The following SCEL variants were observed in gnomAD, a reference collection of about 807,000 sequenced individuals.
The protein encoded by SCEL is sciellin.
A neutral mutation model predicts 117.6 loss-of-function variants in SCEL; 113 were observed. The ratio of observed to expected loss-of-function variants is 0.96; its 90% CI spans 0.83 to 1.12. The LOEUF is 1.12. Ranked by LOEUF, SCEL falls within the 50% of genes most tolerant of loss-of-function variation. The pLI is 0.00. For missense variants in SCEL, 785 were observed against 810.8 expected (o/e 0.97, Z 0.39); for synonymous variants, 270 against 256.2 (o/e 1.05, Z -0.51).
chr13:77,608,503 G>A (rs996875306), intron 20 of SCEL, among the ~76,000 whole-genome samples: 4 of 152,108 alleles, frequency 2.6e-5, no homozygotes, highest in African/African-American at 4.8e-5. Context: ...GGGAGGCTGC[G>A]ACAGGAGAAT....
In SCEL at chr13:77,602,657, A is replaced by G. The variant is rs778685872; in HGVS notation, c.981A>G (p.Arg327=). 5.6e-6 allele frequency: 9 copies of G among 1,613,686 alleles called. No homozygotes were observed. The East Asian group carries it at 1.3e-4, about 24-fold the overall frequency. ...AGTTTTGGTGTTTTTTCCAAAGAAG[A>G]CAAAATCTCGAATCTGTTGCTAAAG... The part of the protein sequence containing the change: ...NQRTDKNEKG[R]QNLESVAKVN... Residue 327 remains arginine (R), a synonymous_variant, in exon 17 of 33, where the codon AGA becomes AGG. Transcript: ENST00000349847.
chr13:77,581,963 A>G (rs1205876131), intron 9 of SCEL, among the ~76,000 whole-genome samples: 2 of 152,132 alleles, frequency 1.3e-5, no homozygotes, highest in East Asian at 3.9e-4. Flanking sequence ...GGGAGGCCTG[A>G]GTACAGTGAA....
intron 27 of SCEL, among the ~76,000 whole-genome samples, chr13:77,620,015 A>T (rs2089321607): frequency 6.6e-6 from 1 of 152,188 alleles, no homozygotes; most frequent in South Asian, 2.1e-4. Flanking sequence ...TCCTAATGAA[A>T]TATCCGTAGA....
intron 1 of SCEL, among the ~76,000 whole-genome samples, chr13:77,549,523 CTT>C (rs904163269): frequency 7.9e-5 from 12 of 152,316 alleles, no homozygotes; most frequent in African/African-American, 2.9e-4. Flanking sequence ...CTGTGATTGA[CTT>C]TATCCTTGCA....
At chr13:77,638,058 A>G (rs2090388136) in intron 30 of SCEL, among the ~76,000 whole-genome samples, 1 of 152,192 alleles carries the variant, frequency 6.6e-6, no homozygotes. Flanking sequence ...TTGTTTCTTT[A>G]TAGCAGGGGC....
intron 4 of SCEL, among the ~76,000 whole-genome samples, chr13:77,560,920 G>A (rs1030433619): frequency 2.0e-5 from 3 of 150,152 alleles, no homozygotes; most frequent in Non-Finnish European, 4.4e-5. Context: ...GGAAACTTTT[G>A]TTTATGAATT....
At chr13:77,604,804 GTGTA>G (rs1471929294) in intron 19 of SCEL, among the ~76,000 whole-genome samples, 3 of 152,240 alleles carry the variant, frequency 2.0e-5, no homozygotes, top group Admixed American at 6.5e-5. Flanking sequence ...GATGTAAGTA[GTGTA>G]TGTGAGTGTA....
rs770887823 is a variant in SCEL at position 77,597,595 on chromosome 13, A to G, written c.797+6A>G. On this transcript the variant is annotated splice_donor_region_variant and intron_variant, in intron 13 of 32. Coordinates refer to ENST00000349847, the MANE Select transcript of SCEL (RefSeq NM_144777.3). ...ATGAACAAAAGCTTGAATAGGTAAG[A>G]TTTTTAAATGTTTATCTTTTATTAC... 7.7e-6 allele frequency: 11 copies of G among 1,426,072 alleles called. 1 individual carries two copies. The highest frequency in any genetic ancestry group is 4.4e-5 in the African/African-American group (3 of 67,868). 88.3% of individuals were successfully genotyped at this position (1,426,072 alleles called of 1,614,324 possible).
At chr13:77,628,030 C>CT (rs774709331) in intron 28 of SCEL, 21 bp downstream of exon 28, 6 of 1,307,914 alleles carry the variant, frequency 4.6e-6, no homozygotes, top group East Asian at 2.5e-5. Flanking sequence ...TTATAATTCA[C>CT]TTTTTTTCTT....
intron 24 of SCEL, 68 bp from the exon 25 acceptor site, chr13:77,617,531 A>T: frequency 1.1e-6 from 1 of 910,730 alleles, no homozygotes; most frequent in Non-Finnish European, 1.7e-6. Context: ...CTTTCTATCC[A>T]TTTCCAATTA....
intron 32 of SCEL, 144 bp downstream of exon 32, chr13:77,642,952 G>T (rs1012529990): frequency 1.5e-5 from 7 of 478,660 alleles, no homozygotes; most frequent in African/African-American, 9.9e-5. Flanking sequence ...TTATACTATG[G>T]TAGTATTTTG....
At chr13:77,579,145 A>G (rs562774226) in intron 9 of SCEL, among the ~76,000 whole-genome samples, 43 of 152,046 alleles carry the variant, frequency 2.8e-4, no homozygotes, top group South Asian at 6.2e-4. Context: ...TCTGGCATGA[A>G]TTTTACTTCC....
chr13:77,619,550 G>C (rs1350356415), intron 27 of SCEL, among the ~76,000 whole-genome samples: 1 of 152,090 alleles, frequency 6.6e-6, no homozygotes, highest in Non-Finnish European at 1.5e-5. Flanking sequence ...CTCATACACA[G>C]TTAAAGGAGT....
chr13:77,638,640 T>C (rs1377522886), intron 30 of SCEL, among the ~76,000 whole-genome samples: 1 of 152,208 alleles, frequency 6.6e-6, no homozygotes, highest in East Asian at 1.9e-4. Flanking sequence ...CTTTTGCTGT[T>C]GATAGTGTGT....
intron 1 of SCEL, among the ~76,000 whole-genome samples, chr13:77,536,942 G>A (rs763157581): frequency 2.4e-4 from 36 of 152,234 alleles, no homozygotes; most frequent in Admixed American, 3.9e-4. Flanking sequence ...CTAAAGTGTA[G>A]CAAGTGTGGA....
rs1472665902 is a variant in SCEL, at chr13:77,612,939, A to C, written c.1386A>C (p.Lys462Asn). 1.3e-6 allele frequency: 2 copies of C among 1,554,898 alleles called. No homozygotes were observed. The highest frequency in any genetic ancestry group is 3.9e-5 in the Admixed American group (2 of 51,320). The change falls in exon 23 of 33, where the codon AAA becomes AAC. Residue 462 changes from lysine (K) to asparagine (N), a missense_variant and splice_region_variant. Lys to Asn is a moderately conservative substitution (Grantham distance 94). Transcript: ENST00000349847. ...TCAAAGTGATCCCTTCAGCAAACAA[A>C]AGGTAAACTTATTAAGATAATTGAA... ...NLIKVIPSAN[K>N]SSEQGLDEHI... is the part of the protein sequence containing the mutation.
At chr13:77,626,901 A>G (rs1323616) in intron 27 of SCEL, among the ~76,000 whole-genome samples, 22,963 of 152,108 alleles carry the variant, frequency 0.15, 1,905 homozygotes, top group African/African-American at 0.17. Context: ...TTTGACTTCT[A>G]AACAGTGCTC....
intron 9 of SCEL, among the ~76,000 whole-genome samples, chr13:77,576,235 T>C (rs901334612): frequency 1.3e-5 from 2 of 152,168 alleles, no homozygotes; most frequent in Non-Finnish European, 2.9e-5. Context: ...GTCTGTATGA[T>C]CTTGTGACCC....
At chr13:77,629,554 A>T (rs1412377868) in intron 28 of SCEL, among the ~76,000 whole-genome samples, 1 of 152,210 alleles carries the variant, frequency 6.6e-6, no homozygotes, top group African/African-American at 2.4e-5. Flanking sequence ...ATGCCCAAGC[A>T]AATACATGTT....
Sources: allele counts gnomAD v4.1 joint callset (sites outside exome capture counted in the v4.1 genomes callset), GRCh38; gene constraint gnomAD v4.1.1; transcripts MANE v1.5; gene names NCBI Gene and HGNC (gene_info 2026-07-23, HGNC 2026-07-21).